Variants in KLRC1 observed in about 807,000 individuals in gnomAD.
KLRC1 encodes the protein killer cell lectin like receptor C1.
Under a neutral mutation model 25.9 loss-of-function variants are expected in KLRC1, and 22 were observed. The ratio of observed to expected loss-of-function variants is 0.85; its 90% CI spans 0.61 to 1.21. The LOEUF (loss-of-function observed/expected upper bound fraction) is 1.21, where lower values mean the gene tolerates loss of function less well. KLRC1 is among the 50% of genes most tolerant of loss of function. The pLI is 0.00. For synonymous variants in KLRC1, 77 were observed against 93.1 expected (o/e 0.83, Z 0.99); for missense variants, 240 against 272.2 (o/e 0.88, Z 0.83).
intron 4 of KLRC1, 146 bp downstream of exon 4, chr12:10,449,768 G>T: frequency 1.7e-6 from 1 of 593,760 alleles, no homozygotes; most frequent in Non-Finnish European, 2.7e-6. Flanking sequence ...TATAGTTGAT[G>T]ACAAGTGAAT....
chr12:10,450,924 C>A lies in KLRC1; in HGVS notation c.187+46G>T, dbSNP rs189179312. 65 of 1,391,180 alleles carry A rather than the reference C, an allele frequency of 4.7e-5. 1 individual carries two copies. The African/African-American group carries it at 8.6e-4, about 18-fold the overall frequency. 86.2% of individuals were successfully genotyped at this position (1,391,180 alleles called of 1,614,324 possible). On this transcript the variant is annotated intron_variant, in intron 2 of 6. Transcript: ENST00000359151. ...TTTCCCCACATTCCTGTACCCCAAG[C>A]TGCACATCCTAGACTGTTATATTGA...
In KLRC1 at chr12:10,453,373, A is replaced by G; in HGVS notation, c.-207T>C. On this transcript the variant is annotated 5_prime_UTR_variant, in exon 1 of 7. Coordinates refer to ENST00000359151, the MANE Select transcript of KLRC1 (RefSeq NM_002259.5). ...CTGTGAAGGCTCAGAGTGAGTCAAG[A>G]GTGGAAAAAGTAGATTTCTCATCAA... 1.0e-6 allele frequency: 1 copy of G among 985,372 alleles called. No individual in the cohort carries two copies. Among genetic ancestry groups the G allele is most frequent in the Non-Finnish European group, 1.2e-6 (1 of 829,840 alleles). 61.0% of individuals were successfully genotyped at this position (985,372 alleles called of 1,614,324 possible). A position where few individuals can be genotyped will look rare whatever the true frequency, so the allele number is the denominator to read the frequency against.
At chr12:10,450,171 T>C in intron 3 of KLRC1, 2 of 449,162 alleles carry the variant, frequency 4.5e-6, no homozygotes, top group Non-Finnish European at 7.7e-6. Context: ...CACCATCTCA[T>C]ATAGTTCTTA....
intron 3 of KLRC1, chr12:10,450,174 A>T (rs111910868): frequency 6.7e-6 from 3 of 448,026 alleles, no homozygotes; most frequent in African/African-American, 6.1e-5. Context: ...CATCTCATAT[A>T]GTTCTTATAA....
intron 3 of KLRC1, 92 bp from the exon 4 acceptor site, chr12:10,450,059 T>G: frequency 9.8e-7 from 1 of 1,019,312 alleles, no homozygotes; most frequent in Non-Finnish European, 1.3e-6. Context: ...TTGTATTATT[T>G]AGAGTTAGAA....
At chr12:10,444,234 T>C (rs1353547451), downstream of KLRC1, among the ~76,000 whole-genome samples, 1 of 141,638 alleles carries the variant, frequency 7.1e-6, no homozygotes, top group Non-Finnish European at 1.5e-5. Flanking sequence ...AAGTGGTGTA[T>C]AAGAAAATAA....
At chr12:10,444,414 A>G (rs57872510), downstream of KLRC1, among the ~76,000 whole-genome samples, 149,429 of 151,552 alleles carry the variant, frequency 0.99, 73,700 homozygotes, top group Middle Eastern at 1. Flanking sequence ...TAAAAAATTG[A>G]TAAGGGCCAG....
At chr12:10,447,437 C>A in intron 6 of KLRC1, 95 bp downstream of exon 6, 1 of 1,073,864 alleles carries the variant, frequency 9.3e-7, no homozygotes, top group South Asian at 1.7e-5. Flanking sequence ...CATCTTTCTT[C>A]ATCTCTATGA....
rs1455532323 is a variant in KLRC1, at chr12:10,449,943, T to C, written c.308A>G (p.Asn103Ser). 8.7e-6 allele frequency: 13 copies of C among 1,492,614 alleles called. No individual in the cohort carries two copies. Among genetic ancestry groups the C allele is most frequent in the Non-Finnish European group, 1.2e-5 (13 of 1,118,176 alleles). The allele number at this position is 1,492,614 out of a possible 1,614,324, so 92.5% of individuals were successfully genotyped here. ...CTGAGTTCTTGTATTCAGGGAAGAA[T>C]TGTTGTGCCTCTGTATTAATGTAGC... ...IPSTLIQRHN[N>S]SSLNTRTQKA... Residue 103 changes from asparagine to serine, a missense_variant, in exon 4 of 7, where the codon AAT becomes AGT. Coordinates refer to ENST00000359151, the MANE Select transcript of KLRC1 (RefSeq NM_002259.5).
At chr12:10,448,624 T>C (rs1269685447) in intron 5 of KLRC1, among the ~76,000 whole-genome samples, 1 of 152,190 alleles carries the variant, frequency 6.6e-6, no homozygotes, top group African/African-American at 2.4e-5. Context: ...AGACACAGGA[T>C]TGAATGGATT....
At chr12:10,443,645 C>T (rs1255950702), downstream of KLRC1, among the ~76,000 whole-genome samples, 1 of 141,698 alleles carries the variant, frequency 7.1e-6, no homozygotes, top group Admixed American at 6.9e-5. Context: ...GAACTAGACA[C>T]GTAGTTATCA....
chr12:10,451,517 A>G (rs1864125860), intron 1 of KLRC1, among the ~76,000 whole-genome samples: 1 of 152,050 alleles, frequency 6.6e-6, no homozygotes, highest in Non-Finnish European at 1.5e-5. Context: ...GTAGTCGGGC[A>G]TGATGTCAGG....
At chr12:10,451,270 G>A in intron 1 of KLRC1, 83 bp from the exon 2 acceptor site, 1 of 672,670 alleles carries the variant, frequency 1.5e-6, no homozygotes, top group Admixed American at 3.9e-5. Flanking sequence ...GGTGGAGAAC[G>A]AGTATTGGAG....
chr12:10,445,109 G>A (rs549416886), downstream of KLRC1, among the ~76,000 whole-genome samples: 36 of 151,704 alleles, frequency 2.4e-4, no homozygotes, highest in South Asian at 6.1e-3. Context: ...TAGTACAGAT[G>A]GGGTTTCAGC....
At chr12:10,450,444 A>T in intron 3 of KLRC1, 40 bp downstream of exon 3, 2 of 1,087,296 alleles carry the variant, frequency 1.8e-6, no homozygotes, top group Non-Finnish European at 2.8e-6. Context: ...TCAATCATTA[A>T]CGTGAAAATT....
At chr12:10,445,306 A>C (rs1328000464), downstream of KLRC1, among the ~76,000 whole-genome samples, 1 of 152,208 alleles carries the variant, frequency 6.6e-6, no homozygotes, top group African/African-American at 2.4e-5. Context: ...AAAAAATAAA[A>C]GTAGTTTATA....
intron 1 of KLRC1, among the ~76,000 whole-genome samples, chr12:10,452,891 A>G (rs1173970239): frequency 6.6e-6 from 1 of 152,360 alleles, no homozygotes; most frequent in African/African-American, 2.4e-5. Context: ...ATTCAAAGAT[A>G]CATGATGTAC....
chr12:10,450,051 G>T, intron 3 of KLRC1, 84 bp from the exon 4 acceptor site: 3 of 1,085,524 alleles, frequency 2.8e-6, no homozygotes, highest in East Asian at 3.2e-5. Context: ...GAATTTTTTT[G>T]TATTATTTAG....
chr12:10,449,803 A>G (rs1864082706), intron 4 of KLRC1, 111 bp downstream of exon 4: 1 of 842,546 alleles, frequency 1.2e-6, no homozygotes, highest in Non-Finnish European at 1.7e-6. Context: ...TTATTTATGA[A>G]CACTTATTGC....
Sources: allele counts gnomAD v4.1 joint callset (sites outside exome capture counted in the v4.1 genomes callset), GRCh38; gene constraint gnomAD v4.1.1; transcripts MANE v1.5; gene names NCBI Gene and HGNC (gene_info 2026-07-23, HGNC 2026-07-21).